HCN4: variants seen among roughly 807,000 people sequenced by gnomAD.
HCN4 encodes hyperpolarization activated cyclic nucleotide gated potassium channel 4, also known as potassium/sodium hyperpolarization-activated cyclic nucleotide-gated channel 4.
HCN4 carries 29 observed loss-of-function variants against 76.9 expected under a neutral mutation model. That is an observed-to-expected ratio of 0.38 (90% CI 0.28 to 0.51). The LOEUF is 0.51. HCN4 is among the 20% of genes least tolerant of loss of function. The pLI, the probability that HCN4 is intolerant of heterozygous loss-of-function variation, is 0.90. For missense variants in HCN4, 1,416 were observed against 1,715.2 expected, an observed-to-expected ratio of 0.83 and a Z score of 3.08; for synonymous variants, 772 against 762.5, an observed-to-expected ratio of 1.01 and a Z score of -0.21.
Position 73,322,934 on chromosome 15 carries a change from G to A in HCN4, c.3159C>T (p.Leu1053=), listed in dbSNP as rs1567767371. ...GTGGGGGGCTGGATGCAGGTGGCAG[G>A]AGCAAGGATCCGTGGGAGCCAGAGG... ...PRASGSHGSL[L]LPPASSPPPP... The change falls in exon 8 of 8, where the codon CTC becomes CTT. Residue 1053 remains leucine (L), a synonymous_variant. Transcript: ENST00000261917. 2.8e-6 allele frequency: 4 copies of A among 1,418,278 alleles called. No individual in the cohort carries two copies. The highest frequency in any genetic ancestry group is 2.4e-5 in the East Asian group (1 of 41,398). The allele number at this position is 1,418,278 out of a possible 1,614,324, so 87.9% of individuals were successfully genotyped here. A position where few individuals can be genotyped will look rare whatever the true frequency, so the allele number is the denominator to read the frequency against.
At position 73,322,733 on chromosome 15, in the gene HCN4, G is replaced by A; in HGVS notation, c.3360C>T (p.Pro1120=). The change falls in exon 8 of 8, where the codon CCC becomes CCT. Residue 1120 remains proline, a synonymous_variant. Coordinates refer to ENST00000261917, the MANE Select transcript of HCN4 (RefSeq NM_005477.3). ...GESMAAFPLF[P]RAGGGSGGSG... ...TGCCCCCGCTGCCACCCCCAGCCCT[G>A]GGGAAGAGCGGGAAGGCAGCCATGG... The A allele has an allele frequency of 6.4e-7, 1 of 1,562,750 alleles. No individual in the cohort carries two copies.
At chr15:73,353,137 G>T (rs185071263) in intron 1 of HCN4, among the ~76,000 whole-genome samples, 99 of 152,280 alleles carry the variant, frequency 6.5e-4, no homozygotes, top group Admixed American at 1.1e-3. Flanking sequence ...TAACATTGAT[G>T]ATTTCTAAGG....
At chr15:73,333,484 G>A (rs2042945189) in intron 2 of HCN4, among the ~76,000 whole-genome samples, 1 of 152,188 alleles carries the variant, frequency 6.6e-6, no homozygotes. Context: ...GTCAGCCCCT[G>A]TCTACTGGTC....
At position 73,323,649 on chromosome 15, in the gene HCN4, C is replaced by T. The variant is rs918010761; in HGVS notation, c.2444G>A (p.Gly815Asp). ...TGGCGTCTGCCCGGCACCGAGGTTG[C>T]CCAGCCCAGATCCTGGGGGAGGGCG... ...IFRPPPGSGL[G>D]NLGAGQTPRH... The change falls in exon 8 of 8, where the codon GGC becomes GAC. Residue 815 changes from glycine to aspartate, a missense_variant. Coordinates refer to ENST00000261917, the MANE Select transcript of HCN4 (RefSeq NM_005477.3). 1 of 1,595,754 alleles carries T rather than the reference C, an allele frequency of 6.3e-7. No homozygotes were observed. The highest frequency in any genetic ancestry group is 8.5e-7 in the Non-Finnish European group (1 of 1,173,322).
Position 73,367,860 on chromosome 15 carries a change from C to T in HCN4, c.411G>A (p.Ala137=). 3 of 1,313,816 alleles carry T rather than the reference C, an allele frequency of 2.3e-6. No homozygotes were observed. Among genetic ancestry groups the T allele is most frequent in the Non-Finnish European group, 2.9e-6 (3 of 1,029,572 alleles). The allele number at this position is 1,313,816 out of a possible 1,614,324, so 81.4% of individuals were successfully genotyped here. A position where few individuals can be genotyped will look rare whatever the true frequency, so the allele number is the denominator to read the frequency against. ...GGGGCGTCCTGTCCTCGCCGGGGGA[C>T]GCGTCGCCCTCGGCGATGAGCCGCC... The part of the protein sequence containing the change: ...EERRLIAEGD[A]SPGEDRTPPG... The change falls in exon 1 of 8, where the codon GCG becomes GCA. Residue 137 remains alanine, a synonymous_variant. Coordinates refer to ENST00000261917, the MANE Select transcript of HCN4 (RefSeq NM_005477.3). The surrounding 1 kb of genome is among the most constrained non-coding windows in gnomAD (Gnocchi z 7.5).
At position 73,367,986 on chromosome 15, in the gene HCN4, G is replaced by A. The variant is rs1472866741; in HGVS notation, c.285C>T (p.Arg95=). The part of the protein sequence containing the change: ...GKSSTNGDCR[R]FRGSLASLGS... ...CCAGCGAGGCCAGGCTCCCGCGGAA[G>A]CGCCTGCAGTCGCCGTTCGTGCTGG... Residue 95 remains arginine (R), a synonymous_variant, in exon 1 of 8, where the codon CGC becomes CGT. Transcript: ENST00000261917. The surrounding 1 kb of genome is among the most constrained non-coding windows in gnomAD (Gnocchi z 7.5). 1.5e-6 allele frequency: 2 copies of A among 1,345,974 alleles called. No homozygotes were observed. The highest frequency in any genetic ancestry group is 1.9e-6 in the Non-Finnish European group (2 of 1,055,480). The allele number at this position is 1,345,974 out of a possible 1,614,324, so 83.4% of individuals were successfully genotyped here. A position where few individuals can be genotyped will look rare whatever the true frequency, so the allele number is the denominator to read the frequency against.
In HCN4 at chr15:73,337,515, C is replaced by T. The variant is rs544358700; in HGVS notation, c.1210-5223G>A. Among the ~76,000 whole-genome samples, 5 of 152,332 alleles carry T rather than the reference C, an allele frequency of 3.3e-5. No individual in the cohort carries two copies. The South Asian group carries it at 1.0e-3, about 32-fold the overall frequency. ...ACGCTGGGCCTTAAAGACAGAGCAT[C>T]GAAGGTGGCATGTTTTCCTGCAATG... On this transcript the variant is annotated intron_variant, in intron 2 of 7. Coordinates refer to ENST00000261917, the MANE Select transcript of HCN4 (RefSeq NM_005477.3).
At chr15:73,361,161 T>C (rs60512978) in intron 1 of HCN4, among the ~76,000 whole-genome samples, 34,102 of 152,164 alleles carry the variant, frequency 0.22, 4,512 homozygotes, top group African/African-American at 0.37. Flanking sequence ...ATTTGGTGCA[T>C]GGGATGCTGC....
chr15:73,348,398 G>A (rs1034428291), intron 1 of HCN4, among the ~76,000 whole-genome samples: 10 of 152,178 alleles, frequency 6.6e-5, no homozygotes, highest in East Asian at 1.9e-4. Context: ...ACGAACATGC[G>A]TGCACACACG....
chr15:73,367,547 G>A lies in HCN4; in HGVS notation c.724C>T (p.Arg242Cys), dbSNP rs745880598. 25 of 1,613,938 alleles carry A rather than the reference G, an allele frequency of 1.5e-5. No individual in the cohort carries two copies. The African/African-American group carries it at 2.7e-4, about 17-fold the overall frequency. Reference sequence around the variant, plus strand: ...GCCGACTTGACCCTCTCCTGTTCGCGCTCCACGGCTTTCTGGCTGCCGAAC... The same window carrying A: ...GCCGACTTGACCCTCTCCTGTTCGCACTCCACGGCTTTCTGGCTGCCGAAC... ...RMFGSQKAVE[R>C]EQERVKSAGF... is the part of the protein sequence containing the mutation. Residue 242 changes from arginine (R) to cysteine (C), a missense_variant, in exon 1 of 8, where the codon CGC becomes TGC. Transcript: ENST00000261917. The surrounding 1 kb of genome is among the most constrained non-coding windows in gnomAD (Gnocchi z 7.5).
At chr15:73,330,671 C>G (rs528075373) in intron 3 of HCN4, among the ~76,000 whole-genome samples, 3 of 152,194 alleles carry the variant, frequency 2.0e-5, no homozygotes, top group African/African-American at 7.2e-5. Flanking sequence ...CTACCCAGGC[C>G]CACAGAGCAC....
At chr15:73,353,799 A>G (rs1376046684) in intron 1 of HCN4, among the ~76,000 whole-genome samples, 3 of 151,434 alleles carry the variant, frequency 2.0e-5, no homozygotes, top group African/African-American at 7.3e-5. Context: ...GGTTGAAATC[A>G]CCTCCCACAG....
rs757500423 is a variant in HCN4 at position 73,368,180 on chromosome 15, C to T, written c.91G>A (p.Asp31Asn). 5.9e-6 allele frequency: 9 copies of T among 1,532,900 alleles called. No homozygotes were observed. Among genetic ancestry groups the T allele is most frequent in the East Asian group, 2.6e-5 (1 of 38,638 alleles). 95.0% of individuals were successfully genotyped at this position (1,532,900 alleles called of 1,614,324 possible). A position where few individuals can be genotyped will look rare whatever the true frequency, so the allele number is the denominator to read the frequency against. ...AKAWIMDEEEDAEEEGAGGRQ... is the reference protein window; with the variant it reads ...AKAWIMDEEENAEEEGAGGRQ... ...CCCCCGGCCCCCTCCTCCTCGGCGT[C>T]CTCTTCCTCGTCCATGATCCACGCC... The change falls in exon 1 of 8, where the codon GAC (aspartate) becomes AAC (asparagine). Residue 31 changes from aspartate (D) to asparagine (N), a missense_variant. Transcript: ENST00000261917. This position sits in a 1 kb window ranked among gnomAD's most constrained non-coding sequence, Gnocchi z 6.9.
chr15:73,367,324 AG>A lies in HCN4; in HGVS notation c.785+161del, dbSNP rs2043132804. On this transcript the variant is annotated intron_variant, in intron 1 of 7. Coordinates refer to ENST00000261917, the MANE Select transcript of HCN4 (RefSeq NM_005477.3). This position sits in a 1 kb window ranked among gnomAD's most constrained non-coding sequence, Gnocchi z 7.5. ...GAGGAAAGTTCCCCCAGCGCGGTGC[AG>A]GAGGGGGCCTGGGGGTGTCTCGGAG... Among the ~76,000 whole-genome samples, 1 of 152,042 alleles carries A rather than the reference AG, an allele frequency of 6.6e-6. No homozygotes were observed. The highest frequency in any genetic ancestry group is 2.4e-5 in the African/African-American group (1 of 41,404).
intron 1 of HCN4, among the ~76,000 whole-genome samples, chr15:73,346,420 A>G (rs2043030124): frequency 6.6e-6 from 1 of 152,206 alleles, no homozygotes; most frequent in Non-Finnish European, 1.5e-5. Flanking sequence ...GAGTAAATAA[A>G]TCATCAAAAT....
chr15:73,359,242 C>G (rs1168603490), intron 1 of HCN4, among the ~76,000 whole-genome samples: 2 of 152,176 alleles, frequency 1.3e-5, no homozygotes, highest in Non-Finnish European at 2.9e-5. Flanking sequence ...GTCCCCCTAT[C>G]CAGCCGGCAC....
rs1414048036 is a variant in HCN4 at position 73,367,973 on chromosome 15, GGCTCCCGCGGAA to G, written c.286_297del (p.Phe96_Ser99del). On this transcript the variant is annotated inframe_deletion, in exon 1 of 8. Transcript: ENST00000261917. This position sits in a 1 kb window ranked among gnomAD's most constrained non-coding sequence, Gnocchi z 7.5. Reference sequence around the variant, plus strand: ...CCGCCCCGGCTGCCCAGCGAGGCCAGGCTCCCGCGGAAGCGCCTGCAGTCGCCGTTCGTGCTG... The same window carrying G: ...CCGCCCCGGCTGCCCAGCGAGGCCAGGCGCCTGCAGTCGCCGTTCGTGCTG... The G allele has an allele frequency of 3.0e-6, 4 of 1,349,332 alleles. No individual in the cohort carries two copies. The highest frequency in any genetic ancestry group is 3.8e-6 in the Non-Finnish European group (4 of 1,057,104). The allele number at this position is 1,349,332 out of a possible 1,614,324, so 83.6% of individuals were successfully genotyped here.
chr15:73,321,290 C>A lies in HCN4; in HGVS notation c.*1191G>T, dbSNP rs891064138. On this transcript the variant is annotated 3_prime_UTR_variant, in exon 8 of 8. Coordinates refer to ENST00000261917, the MANE Select transcript of HCN4 (RefSeq NM_005477.3). ...CTTGGGGACCATCTACCTCAGCCCC[C>A]CTCAACACAGTTTTCTGATGGAAGG... 3.9e-5 allele frequency: 6 copies of A among 152,170 alleles called. No individual in the cohort carries two copies. Among genetic ancestry groups the A allele is most frequent in the Non-Finnish European group, 8.8e-5 (6 of 68,030 alleles). The allele number at this position is 152,170 out of a possible 1,614,324, so 9.4% of individuals were successfully genotyped here.
At chr15:73,366,316 G>C (rs1156665409) in intron 1 of HCN4, among the ~76,000 whole-genome samples, 1 of 152,132 alleles carries the variant, frequency 6.6e-6, no homozygotes, top group Non-Finnish European at 1.5e-5. Context: ...AGCTTCCCTG[G>C]AGTTTGCAAA....
Sources: allele counts gnomAD v4.1 joint callset (sites outside exome capture counted in the v4.1 genomes callset), GRCh38; gene constraint gnomAD v4.1.1; non-coding constraint Gnocchi (gnomAD v3.1); transcripts MANE v1.5; gene names NCBI Gene and HGNC (gene_info 2026-07-23, HGNC 2026-07-21).